ARL5A: variants seen among roughly 807,000 people sequenced by gnomAD.
ARL5A encodes ADP-ribosylation factor-like protein 5A.
Under a neutral mutation model 25.9 loss-of-function variants are expected in ARL5A, and 18 were observed. That is an observed-to-expected ratio of 0.69 (90% CI 0.48 to 1.03). ARL5A has a LOEUF of 1.03. ARL5A is among the 50% of genes least tolerant of loss of function. The probability of loss-of-function intolerance (pLI) is 0.00; values close to 1 mark genes in which losing one functional copy is unlikely to be tolerated. For missense variants in ARL5A, 170 were observed against 211.9 expected (o/e 0.80, Z 1.23); for synonymous variants, 61 against 67.5 (o/e 0.90, Z 0.47).
intron 4 of ARL5A, among the ~76,000 whole-genome samples, chr2:151,811,854 G>A (rs1051020219): frequency 1.1e-4 from 17 of 152,170 alleles, no homozygotes; most frequent in Non-Finnish European, 2.4e-4. Context: ...TTACAGGAGT[G>A]AGCCACTGTG....
At chr2:151,826,113 T>G (rs2099833023) in intron 1 of ARL5A, among the ~76,000 whole-genome samples, 1 of 151,948 alleles carries the variant, frequency 6.6e-6, no homozygotes, top group Non-Finnish European at 1.5e-5. Context: ...AGAGCAAGAC[T>G]CCATCTCAAA....
At chr2:151,818,447 T>C (rs540122862) in intron 1 of ARL5A, among the ~76,000 whole-genome samples, 2 of 152,222 alleles carry the variant, frequency 1.3e-5, no homozygotes, top group African/African-American at 4.8e-5. Flanking sequence ...CCTGGATATT[T>C]TGTTTCTTTT....
intron 1 of ARL5A, 151 bp downstream of exon 1, chr2:151,827,964 GGAGCCGGGACCGAACC>G: frequency 1.6e-6 from 1 of 644,904 alleles, no homozygotes; most frequent in Non-Finnish European, 2.7e-6. Flanking sequence ...CCCAAGCTCG[GGAGCCGGGACCGAACC>G]GTCCCGGGCC....
At chr2:151,807,461 A>G (rs942670994) in intron 4 of ARL5A, among the ~76,000 whole-genome samples, 1 of 152,154 alleles carries the variant, frequency 6.6e-6, no homozygotes, top group South Asian at 2.1e-4. Context: ...CCTTCCCTCC[A>G]ACCTCCTAAA....
At chr2:151,819,327 C>T (rs944191223) in intron 1 of ARL5A, among the ~76,000 whole-genome samples, 3 of 152,142 alleles carry the variant, frequency 2.0e-5, no homozygotes, top group South Asian at 2.1e-4. Context: ...GCCTGAGGTA[C>T]ACCATTTTGA....
rs1464531673 is a variant in ARL5A, at chr2:151,801,394, A to G, written c.*1882T>C. 6.6e-6 allele frequency: 1 copy of G among 152,142 alleles called. No homozygotes were observed. Among genetic ancestry groups the G allele is most frequent in the South Asian group, 2.1e-4 (1 of 4,834 alleles). 9.4% of individuals were successfully genotyped at this position (152,142 alleles called of 1,614,324 possible). On this transcript the variant is annotated 3_prime_UTR_variant, in exon 6 of 6. Transcript: ENST00000295087. ...AACATAAAAAGGACAAAAGGTGTGGATTTTCTGGGCTACATCACATAATAT... is the reference window on the plus strand; with the variant it reads ...AACATAAAAAGGACAAAAGGTGTGGGTTTTCTGGGCTACATCACATAATAT...
At chr2:151,824,670 TTCACA>T (rs746515476) in intron 1 of ARL5A, among the ~76,000 whole-genome samples, 1 of 151,928 alleles carries the variant, frequency 6.6e-6, no homozygotes, top group Admixed American at 6.6e-5. Flanking sequence ...TCTTTTATAG[TTCACA>T]TCAGTCAGTT....
At position 151,815,209 on chromosome 2, in the gene ARL5A, A is replaced by G. The variant is rs779586517; in HGVS notation, c.47-10T>C. Reference sequence around the variant, plus strand: ...ATGATAACTTTGTGCTCTGAAATAGAGAAAACACCAGTGATTTTTTTTCAA... The same window carrying G: ...ATGATAACTTTGTGCTCTGAAATAGGGAAAACACCAGTGATTTTTTTTCAA... On this transcript the variant is annotated splice_polypyrimidine_tract_variant and intron_variant, in intron 1 of 5. Coordinates refer to ENST00000295087, the MANE Select transcript of ARL5A (RefSeq NM_012097.4). 6.3e-7 allele frequency: 1 copy of G among 1,583,236 alleles called. No individual in the cohort carries two copies. The highest frequency in any genetic ancestry group is 1.9e-5 in the Admixed American group (1 of 52,804).
intron 1 of ARL5A, among the ~76,000 whole-genome samples, chr2:151,822,862 T>C (rs2099832532): frequency 6.6e-6 from 1 of 152,188 alleles, no homozygotes; most frequent in East Asian, 1.9e-4. Context: ...GTCATGAAAA[T>C]TGCTTCTTGT....
At chr2:151,808,579 T>C (rs2099830409) in intron 4 of ARL5A, among the ~76,000 whole-genome samples, 1 of 152,228 alleles carries the variant, frequency 6.6e-6, no homozygotes, top group African/African-American at 2.4e-5. Flanking sequence ...AAAGGAATAC[T>C]GCTACAATGT....
At chr2:151,811,259 A>G (rs752188853) in intron 4 of ARL5A, among the ~76,000 whole-genome samples, 16 of 152,226 alleles carry the variant, frequency 1.1e-4, no homozygotes, top group Non-Finnish European at 2.1e-4. Context: ...CATCAAATCA[A>G]TAACAAAATT....
intron 1 of ARL5A, among the ~76,000 whole-genome samples, 179 bp from the exon 2 acceptor site, chr2:151,815,378 T>C (rs976030994): frequency 2.6e-5 from 4 of 152,178 alleles, no homozygotes; most frequent in Non-Finnish European, 4.4e-5. Flanking sequence ...AGTGTGCCAT[T>C]ATACTCACCT....
intron 1 of ARL5A, among the ~76,000 whole-genome samples, chr2:151,825,056 A>G (rs754005666): frequency 2.0e-5 from 3 of 152,226 alleles, no homozygotes; most frequent in Non-Finnish European, 4.4e-5. Flanking sequence ...AAAGTGAGTT[A>G]ATTTCCTGTC....
chr2:151,823,597 A>T (rs532030630), intron 1 of ARL5A, among the ~76,000 whole-genome samples: 1 of 152,316 alleles, frequency 6.6e-6, no homozygotes, highest in East Asian at 1.9e-4. Flanking sequence ...AAATTTAAGA[A>T]GCACTCACTA....
chr2:151,805,494 T>C (rs1217772524), intron 5 of ARL5A, among the ~76,000 whole-genome samples: 1 of 152,230 alleles, frequency 6.6e-6, no homozygotes, highest in Non-Finnish European at 1.5e-5. Context: ...TGCTTTTAAA[T>C]GCAATCATGC....
chr2:151,800,620 T>C lies in ARL5A; in HGVS notation c.*2656A>G, dbSNP rs1039601201. The C allele has an allele frequency of 7.9e-5, 12 of 152,178 alleles. No individual in the cohort carries two copies. The highest frequency in any genetic ancestry group is 2.7e-4 in the African/African-American group (11 of 41,446). The allele number at this position is 152,178 out of a possible 1,614,324, so 9.4% of individuals were successfully genotyped here. On this transcript the variant is annotated 3_prime_UTR_variant, in exon 6 of 6. Transcript: ENST00000295087. ...CCTTCGTTGTATCCTTTGCCCATTATGAGGACCAAGAGGTACTGGGAAGAT... is the reference window on the plus strand; with the variant it reads ...CCTTCGTTGTATCCTTTGCCCATTACGAGGACCAAGAGGTACTGGGAAGAT...
chr2:151,827,976 G>T, intron 1 of ARL5A, 155 bp downstream of exon 1: 1 of 720,800 alleles, frequency 1.4e-6, no homozygotes, highest in South Asian at 1.7e-5. Flanking sequence ...AGCCGGGACC[G>T]AACCGTCCCG....
At chr2:151,820,400 C>T (rs1578380680) in intron 1 of ARL5A, among the ~76,000 whole-genome samples, 1 of 152,284 alleles carries the variant, frequency 6.6e-6, no homozygotes, top group African/African-American at 2.4e-5. Context: ...TGGCTCACGC[C>T]TGTAATCCCA....
Position 151,814,293 on chromosome 2 carries a change from G to A in ARL5A, c.131C>T (p.Thr44Ile), listed in dbSNP as rs1356360996. ...YQFSMNEVVH[T>I]SPTIGSNVEE... ...TACATTACTTCCTATTGTAGGAGAT[G>A]TATGTACAACTTCATTCATAGAACT... is the stretch of plus-strand genomic sequence containing the variant. Residue 44 changes from threonine (T) to isoleucine (I), a missense_variant, in exon 3 of 6, where the codon ACA becomes ATA. By Grantham distance (89) the Thr-to-Ile change is moderately conservative. Coordinates refer to ENST00000295087, the MANE Select transcript of ARL5A (RefSeq NM_012097.4). The A allele has an allele frequency of 2.5e-5, 39 of 1,581,290 alleles. No individual in the cohort carries two copies. The highest frequency in any genetic ancestry group is 3.3e-5 in the Non-Finnish European group (38 of 1,167,500).
Sources: gnomAD v4.1 joint callset for allele counts (sites outside exome capture counted in the v4.1 genomes callset) on GRCh38, gnomAD v4.1.1 for gene constraint, MANE v1.5 for transcripts, NCBI Gene and HGNC (gene_info 2026-07-23, HGNC 2026-07-21) for gene names.